Variants in LIPA observed in about 807,000 individuals in gnomAD.
The protein encoded by LIPA is lysosomal acid lipase/cholesteryl ester hydrolase.
A neutral mutation model predicts 40.6 loss-of-function variants in LIPA; 26 were observed. The observed-to-expected ratio is 0.64, with a 90% CI of 0.47 to 0.89. The LOEUF (loss-of-function observed/expected upper bound fraction) is 0.89, where lower values mean the gene tolerates loss of function less well. Among genes scored for constraint, LIPA ranks in the 40% least tolerant of loss-of-function variants. LIPA has a pLI of 0.00. For missense variants in LIPA, 455 were observed against 479.6 expected (o/e 0.95, Z 0.48); for synonymous variants, 188 against 168.4 (o/e 1.12, Z -0.90).
chr10:89,221,624 G>A (rs1842700003), intron 8 of LIPA, among the ~76,000 whole-genome samples: 1 of 152,160 alleles, frequency 6.6e-6, no homozygotes, highest in African/African-American at 2.4e-5. Context: ...CTTAAATGGT[G>A]AGTTGTTTCA....
chr10:89,347,062 CA>C (rs1564796930), upstream of LIPA, among the ~76,000 whole-genome samples: 3 of 152,148 alleles, frequency 2.0e-5, no homozygotes, highest in African/African-American at 7.2e-5. Flanking sequence ...TTTGATGATT[CA>C]CTGGAAAGAT....
intron 2 of LIPA, among the ~76,000 whole-genome samples, chr10:89,352,278 A>G (rs1247385796): frequency 6.6e-6 from 1 of 152,048 alleles, no homozygotes; most frequent in Non-Finnish European, 1.5e-5. Context: ...TGGCCCAATC[A>G]CAGAGGAAGG....
chr10:89,326,094 T>C (rs1843597386), intron 1 of LIPA, among the ~76,000 whole-genome samples: 1 of 152,100 alleles, frequency 6.6e-6, no homozygotes. Context: ...CAGGAATACA[T>C]CAAAAAGAAA....
chr10:89,300,504 C>T (rs893178171), intron 1 of LIPA, among the ~76,000 whole-genome samples: 6 of 152,040 alleles, frequency 3.9e-5, no homozygotes, highest in East Asian at 1.9e-4. Context: ...ATTCTTTGCA[C>T]GTAACAAACA....
intron 2 of LIPA, among the ~76,000 whole-genome samples, chr10:89,353,130 C>A (rs1843968951): frequency 6.6e-6 from 1 of 152,132 alleles, no homozygotes; most frequent in Admixed American, 6.6e-5. Flanking sequence ...GATGGTCAGG[C>A]AGTTGTTAAA....
At chr10:89,219,113 G>A (rs1450814937) in intron 8 of LIPA, among the ~76,000 whole-genome samples, 1 of 151,808 alleles carries the variant, frequency 6.6e-6, no homozygotes, top group East Asian at 1.9e-4. Context: ...AAATTATACT[G>A]AATATCCTTT....
intron 1 of LIPA, chr10:89,306,589 T>C (rs1479187458): frequency 6.2e-7 from 1 of 1,614,004 alleles, no homozygotes; most frequent in Non-Finnish European, 8.5e-7. Context: ...ACCAGTACCT[T>C]AAAGTCCTCC....
intron 2 of LIPA, chr10:89,363,429 T>C (rs1286642301): frequency 6.6e-6 from 1 of 152,200 alleles, no homozygotes; most frequent in African/African-American, 2.4e-5. Context: ...ATTATCGTTA[T>C]GGCCCCTTTC....
At position 89,384,536 on chromosome 10, in the gene LIPA, T is replaced by G. The variant is rs866384412; in HGVS notation, c.61+28255A>C. The G allele has an allele frequency of 6.2e-6, 10 of 1,613,732 alleles. No individual in the cohort carries two copies. In the Middle Eastern group the frequency reaches 4.9e-4, roughly 80 times the overall value. On this transcript the variant is annotated intron_variant, in intron 2 of 8. Transcript: ENST00000371837. ...ACCCATTATTTAAAAGGTTTGAAAA[T>G]AGAAAAAATGTCCCATTCCAGGGAA...
intron 1 of LIPA, among the ~76,000 whole-genome samples, chr10:89,258,019 C>T (rs967310490): frequency 6.6e-6 from 1 of 152,142 alleles, no homozygotes; most frequent in Non-Finnish European, 1.5e-5. Flanking sequence ...ACACAGAAGG[C>T]ACTCAATAAA....
At chr10:89,216,650 A>C (rs967627063) in intron 8 of LIPA, among the ~76,000 whole-genome samples, 3 of 152,194 alleles carry the variant, frequency 2.0e-5, no homozygotes, top group African/African-American at 7.2e-5. Context: ...AAGCATCATA[A>C]GTAATCTAGA....
chr10:89,332,765 C>A (rs1283221077), intron 1 of LIPA: 7 of 920,338 alleles, frequency 7.6e-6, no homozygotes, highest in Non-Finnish European at 1.2e-5. Context: ...CCAATTCATG[C>A]ATTTTTATTT....
intron 1 of LIPA, chr10:89,306,863 G>C (rs1158402785): frequency 1.2e-6 from 2 of 1,614,096 alleles, no homozygotes; most frequent in Non-Finnish European, 1.7e-6. Flanking sequence ...GAATCTAAGA[G>C]AGAATGGAAT....
At chr10:89,402,475 A>G in intron 2 of LIPA, 1 of 1,614,230 alleles carries the variant, frequency 6.2e-7, no homozygotes, top group Non-Finnish European at 8.5e-7. Context: ...CTGAAAGGCC[A>G]GAATGAGGAA....
intron 1 of LIPA, chr10:89,339,163 C>A: frequency 6.2e-7 from 1 of 1,614,092 alleles, no homozygotes; most frequent in Non-Finnish European, 8.5e-7. Flanking sequence ...GCCCAACAAC[C>A]CAGAATTCTC....
chr10:89,369,680 A>G (rs1844081020), intron 2 of LIPA, among the ~76,000 whole-genome samples: 1 of 152,250 alleles, frequency 6.6e-6, no homozygotes, highest in South Asian at 2.1e-4. Context: ...TTTCCTATAT[A>G]GAGGTATTTG....
At chr10:89,231,589 T>C (rs1842843087) in intron 3 of LIPA, among the ~76,000 whole-genome samples, 1 of 152,058 alleles carries the variant, frequency 6.6e-6, no homozygotes, top group South Asian at 2.1e-4. Flanking sequence ...TCCTCCCACC[T>C]CAGGCCCCTG....
intron 2 of LIPA, chr10:89,392,586 A>G: frequency 2.1e-6 from 2 of 960,152 alleles, no homozygotes; most frequent in East Asian, 2.6e-5. Flanking sequence ...GCTGCTGTTT[A>G]GCTCCCTTAT....
intron 2 of LIPA, chr10:89,403,046 A>T (rs758085363): frequency 6.2e-7 from 1 of 1,614,258 alleles, no homozygotes; most frequent in Non-Finnish European, 8.5e-7. Context: ...TTCGATATGC[A>T]GCCAAGTTTT....
Sources: gnomAD v4.1 joint callset for allele counts (sites outside exome capture counted in the v4.1 genomes callset) on GRCh38, gnomAD v4.1.1 for gene constraint, MANE v1.5 for transcripts, NCBI Gene and HGNC (gene_info 2026-07-23, HGNC 2026-07-21) for gene names.